The following KLF8 variants were observed in gnomAD, a reference collection of about 807,000 sequenced individuals.
KLF8 encodes the protein KLF transcription factor 8.
Under a neutral mutation model 18.2 loss-of-function variants are expected in KLF8, and 10 were observed. The ratio of observed to expected loss-of-function variants is 0.55; its 90% CI spans 0.34 to 0.93. The LOEUF (loss-of-function observed/expected upper bound fraction) is 0.93. KLF8 is among the 40% of genes least tolerant of loss of function. The pLI is 0.02. For missense variants in KLF8, 264 were observed against 277.9 expected (o/e 0.95, Z 0.36); for synonymous variants, 109 against 97.3 (o/e 1.12, Z -0.71).
the KLF8 span, among the ~76,000 whole-genome samples, chrX:56,111,980 G>C: frequency 9.0e-6 from 1 of 111,627 alleles, no homozygotes; most frequent in Non-Finnish European, 1.9e-5. Flanking sequence ...TCCCTTTACT[G>C]GGTATATACC....
At chrX:56,039,967 A>AT in the KLF8 span, among the ~76,000 whole-genome samples, 1 of 111,043 alleles carries the variant, frequency 9.0e-6, no homozygotes, top group Admixed American at 9.6e-5. Context: ...ATTCCTAGGC[A>AT]TTTTATTATT....
At chrX:55,973,144 G>A in the KLF8 span, among the ~76,000 whole-genome samples, 2 of 111,889 alleles carry the variant, frequency 1.8e-5, no homozygotes, top group African/African-American at 6.5e-5. Flanking sequence ...AGCATAACTG[G>A]CTAGCCATAA....
Position 56,289,338 on chromosome X carries a change from T to C in KLF8, c.*4844T>C, listed in dbSNP as rs1340958887. On this transcript the variant is annotated 3_prime_UTR_variant, in exon 6 of 6. Coordinates refer to ENST00000468660, the MANE Select transcript of KLF8 (RefSeq NM_007250.5). ...TCTTGTATATTTTGTGGCCTACTCCTATAATCAGCCATTTCTTCAAGAAGT... is the reference window on the plus strand; with the variant it reads ...TCTTGTATATTTTGTGGCCTACTCCCATAATCAGCCATTTCTTCAAGAAGT... Among the ~76,000 whole-genome samples, 2 of 110,743 alleles carry C rather than the reference T, an allele frequency of 1.8e-5. No individual in the cohort carries two copies. The highest frequency in any genetic ancestry group is 2.8e-4 in the East Asian group (1 of 3,530).
At chrX:56,009,457 G>A in the KLF8 span, among the ~76,000 whole-genome samples, 3 of 111,454 alleles carry the variant, frequency 2.7e-5, no homozygotes, top group Middle Eastern at 4.2e-3. Flanking sequence ...CCAAAGGTCA[G>A]CAGCCTCAAA....
chrX:56,171,363 T>A, the KLF8 span, among the ~76,000 whole-genome samples: 7 of 112,148 alleles, frequency 6.2e-5, no homozygotes, highest in Admixed American at 6.7e-4. Flanking sequence ...CTTTAGATAA[T>A]AGGTTATAGT....
At chrX:55,948,008 G>T in the KLF8 span, among the ~76,000 whole-genome samples, 1 of 112,039 alleles carries the variant, frequency 8.9e-6, no homozygotes, top group Non-Finnish European at 1.9e-5. Context: ...CAGTATATGG[G>T]TGTATTAGAT....
At chrX:56,059,396 CT>C in the KLF8 span, among the ~76,000 whole-genome samples, 12 of 111,977 alleles carry the variant, frequency 1.1e-4, no homozygotes, top group African/African-American at 3.6e-4. Context: ...GTTGCCATTG[CT>C]TTTGGTGTTT....
chrX:56,193,323 A>G, the KLF8 span, among the ~76,000 whole-genome samples: 1 of 112,141 alleles, frequency 8.9e-6, no homozygotes, highest in African/African-American at 3.2e-5. Context: ...ACAATAACAA[A>G]TGTTGGCAAA....
chrX:56,053,608 A>T, the KLF8 span, among the ~76,000 whole-genome samples: 1 of 93,071 alleles, frequency 1.1e-5, no homozygotes. Flanking sequence ...TACATCTGTT[A>T]GTATTTAGTT....
At chrX:56,056,393 C>T in the KLF8 span, among the ~76,000 whole-genome samples, 1 of 109,356 alleles carries the variant, frequency 9.1e-6, no homozygotes, top group Non-Finnish European at 1.9e-5. Context: ...GGCCTTTTAT[C>T]AGGCCCCAGC....
the KLF8 span, among the ~76,000 whole-genome samples, chrX:56,138,459 C>T: frequency 9.0e-6 from 1 of 111,518 alleles, no homozygotes; most frequent in African/African-American, 3.3e-5. Context: ...CATCACAAAG[C>T]TCATCCACCA....
the KLF8 span, among the ~76,000 whole-genome samples, chrX:56,022,551 C>CAAAAAAA: frequency 0.076 from 2,065 of 27,202 alleles, 320 homozygotes; most frequent in African/African-American, 0.2. Flanking sequence ...TCTGTCTGAC[C>CAAAAAAA]AAAAAAAAAA....
chrX:56,179,122 A>C, the KLF8 span, among the ~76,000 whole-genome samples: 139 of 111,837 alleles, frequency 1.2e-3, 1 homozygote, highest in African/African-American at 4.4e-3. Flanking sequence ...ATTAGCGTGG[A>C]ATGTTCTATG....
chrX:56,139,549 G>A, the KLF8 span, among the ~76,000 whole-genome samples: 1 of 111,662 alleles, frequency 9.0e-6, no homozygotes, highest in Non-Finnish European at 1.9e-5. Flanking sequence ...ACAAGCAATG[G>A]GTAAAGGATT....
chrX:56,260,563 G>A (rs1263695780), intron 2 of KLF8, among the ~76,000 whole-genome samples: 5 of 111,202 alleles, frequency 4.5e-5, no homozygotes, highest in Non-Finnish European at 9.4e-5. Context: ...CCTGATTGTG[G>A]CTACTACCAT....
the KLF8 span, among the ~76,000 whole-genome samples, chrX:55,924,385 CTTAA>C: frequency 1.1e-4 from 12 of 111,688 alleles, no homozygotes; most frequent in African/African-American, 1.6e-4. Context: ...CCCTGACATT[CTTAA>C]TTAATCTTTA....
At chrX:56,159,745 A>AT in the KLF8 span, among the ~76,000 whole-genome samples, 1 of 110,531 alleles carries the variant, frequency 9.0e-6, no homozygotes, top group African/African-American at 3.3e-5. Context: ...CCCCTTGATC[A>AT]TTTTTTCTTG....
chrX:56,025,212 C>A, the KLF8 span, among the ~76,000 whole-genome samples: 1 of 112,493 alleles, frequency 8.9e-6, no homozygotes, highest in Admixed American at 9.4e-5. Flanking sequence ...CAGGTACTGG[C>A]ACATTTAGTT....
chrX:56,128,057 A>G, the KLF8 span, among the ~76,000 whole-genome samples: 1 of 111,994 alleles, frequency 8.9e-6, no homozygotes, highest in Admixed American at 9.5e-5. Context: ...TGAAGGATGA[A>G]CATTCAGTAA....
Sources: gnomAD v4.1 joint callset for allele counts (sites outside exome capture counted in the v4.1 genomes callset) on GRCh38, gnomAD v4.1.1 for gene constraint, MANE v1.5 for transcripts, NCBI Gene and HGNC (gene_info 2026-07-23, HGNC 2026-07-21) for gene names.